The following USP46 variants were observed in gnomAD, a reference collection of about 807,000 sequenced individuals.
USP46 encodes the protein ubiquitin specific peptidase 46.
Under a neutral mutation model 44.4 loss-of-function variants are expected in USP46, and 12 were observed. That is an observed-to-expected ratio of 0.27 (90% CI 0.17 to 0.44). The LOEUF is 0.44. USP46 is among the 20% of genes least tolerant of loss of function. The probability of loss-of-function intolerance (pLI) is 1.00; values close to 1 mark genes in which losing one functional copy is unlikely to be tolerated. For missense variants in USP46, 248 were observed against 444.8 expected, an observed-to-expected ratio of 0.56 and a Z score of 3.98; for synonymous variants, 155 against 161.5, an observed-to-expected ratio of 0.96 and a Z score of 0.31.
At chr4:52,626,311 G>C in intron 3 of USP46, 64 bp from the exon 4 acceptor site, 5 of 1,328,936 alleles carry the variant, frequency 3.8e-6, no homozygotes, top group Non-Finnish European at 5.2e-6. Flanking sequence ...TGTAATTAGT[G>C]TTACATGCCA....
chr4:52,616,089 A>C (rs967993323), intron 4 of USP46, among the ~76,000 whole-genome samples: 2 of 152,202 alleles, frequency 1.3e-5, no homozygotes, highest in African/African-American at 2.4e-5. Flanking sequence ...CACACCCAAC[A>C]ACTGCCAAAT....
At chr4:52,624,201 C>T (rs902660727) in intron 4 of USP46, among the ~76,000 whole-genome samples, 1 of 152,058 alleles carries the variant, frequency 6.6e-6, no homozygotes, top group Non-Finnish European at 1.5e-5. Context: ...ACTGCCTCTA[C>T]TTTTGTATTC....
At chr4:52,613,676 C>T (rs1418168880) in intron 4 of USP46, among the ~76,000 whole-genome samples, 1 of 150,024 alleles carries the variant, frequency 6.7e-6, no homozygotes, top group Admixed American at 6.6e-5. Context: ...AAGCCGAGAT[C>T]TCGCCACTGC....
chr4:52,659,084 G>T lies in USP46; in HGVS notation c.36+31C>A. 1 of 1,550,376 alleles carries T rather than the reference G, an allele frequency of 6.5e-7. No homozygotes were observed. The highest frequency in any genetic ancestry group is 8.7e-7 in the Non-Finnish European group (1 of 1,150,392). ...CCTTTCTTTGCCTCGCCGCGAGTCG[G>T]GCGCGACCCCGAGGCGGCTCGGCCA... On this transcript the variant is annotated intron_variant, in intron 1 of 8. Transcript: ENST00000441222. The surrounding 1 kb of genome is among the most constrained non-coding windows in gnomAD (Gnocchi z 4.2).
intron 3 of USP46, among the ~76,000 whole-genome samples, chr4:52,627,021 T>TG (rs1347672580): frequency 2.6e-5 from 4 of 152,316 alleles, no homozygotes; most frequent in African/African-American, 9.6e-5. Context: ...TGAGGGTATG[T>TG]GTGAGCAAGC....
rs1317853291 is a variant in USP46, at chr4:52,593,244, G to C, written c.*4396C>G. 4 of 265,686 alleles carry C rather than the reference G, an allele frequency of 1.5e-5. No individual in the cohort carries two copies. Among genetic ancestry groups the C allele is most frequent in the Non-Finnish European group, 2.1e-5 (3 of 142,638 alleles). The allele number at this position is 265,686 out of a possible 1,614,324, so 16.5% of individuals were successfully genotyped here. A position where few individuals can be genotyped will look rare whatever the true frequency, so the allele number is the denominator to read the frequency against. ...AATTTGTGTCACCTTGGTAGTGACA[G>C]GCCTGTCCTATAAATCCCAGGACAA... is the stretch of plus-strand genomic sequence containing the variant. On this transcript the variant is annotated 3_prime_UTR_variant, in exon 9 of 9. Coordinates refer to ENST00000441222, the MANE Select transcript of USP46 (RefSeq NM_022832.4).
intron 4 of USP46, among the ~76,000 whole-genome samples, chr4:52,613,579 G>A (rs1717013906): frequency 6.6e-6 from 1 of 151,970 alleles, no homozygotes; most frequent in Non-Finnish European, 1.5e-5. Flanking sequence ...AAAATTAGCT[G>A]GGTGCGGTGG....
At chr4:52,609,952 G>GTTTT (rs1716874839) in intron 5 of USP46, among the ~76,000 whole-genome samples, 7 of 71,704 alleles carry the variant, frequency 9.8e-5, no homozygotes, top group Admixed American at 2.2e-4. Flanking sequence ...TTGAGGCGGA[G>GTTTT]TTTCGCTCTG....
At chr4:52,636,693 A>T (rs917155926) in intron 1 of USP46, among the ~76,000 whole-genome samples, 3 of 143,072 alleles carry the variant, frequency 2.1e-5, no homozygotes, top group Non-Finnish European at 4.6e-5. Context: ...GTGACAGAGT[A>T]AGACTCTGTC....
intron 1 of USP46, among the ~76,000 whole-genome samples, chr4:52,636,667 C>T (rs1718127995): frequency 1.5e-5 from 2 of 132,708 alleles, no homozygotes; most frequent in African/African-American, 5.8e-5. Flanking sequence ...GATGGTGCCA[C>T]TGCACTCCAG....
chr4:52,624,952 T>C (rs1324736907), intron 4 of USP46, among the ~76,000 whole-genome samples: 1 of 152,184 alleles, frequency 6.6e-6, no homozygotes, highest in Non-Finnish European at 1.5e-5. Flanking sequence ...TGAATTTCTG[T>C]TGTTTAAGCA....
intron 4 of USP46, 78 bp from the exon 5 acceptor site, chr4:52,610,695 C>A: frequency 7.4e-7 from 1 of 1,349,344 alleles, no homozygotes; most frequent in Non-Finnish European, 1.0e-6. Context: ...TAGGTAATCA[C>A]CGACTGCAAT....
At chr4:52,603,268 G>A (rs1716548351) in intron 6 of USP46, among the ~76,000 whole-genome samples, 1 of 152,196 alleles carries the variant, frequency 6.6e-6, no homozygotes, top group East Asian at 1.9e-4. Context: ...AGGTTATAAG[G>A]ATGGGGGACA....
chr4:52,648,740 T>A (rs886659964), intron 1 of USP46, among the ~76,000 whole-genome samples: 3 of 152,198 alleles, frequency 2.0e-5, no homozygotes, highest in Admixed American at 6.5e-5. Context: ...TACCCTCTGA[T>A]TCATGAGGCA....
chr4:52,615,284 G>A (rs954459383), intron 4 of USP46, among the ~76,000 whole-genome samples: 4 of 151,934 alleles, frequency 2.6e-5, no homozygotes, highest in Non-Finnish European at 4.4e-5. Flanking sequence ...TATGCCGTCC[G>A]CAAGAGCTAA....
chr4:52,644,829 G>A (rs1718483916), intron 1 of USP46, among the ~76,000 whole-genome samples: 1 of 151,840 alleles, frequency 6.6e-6, no homozygotes, highest in African/African-American at 2.4e-5. Context: ...AGGCCGAGGT[G>A]GGTGGATCAC....
At chr4:52,609,608 T>C (rs1716842204) in intron 5 of USP46, among the ~76,000 whole-genome samples, 2 of 152,118 alleles carry the variant, frequency 1.3e-5, no homozygotes, top group South Asian at 4.1e-4. Context: ...GCTGTGGAGG[T>C]GACATCTCAC....
chr4:52,646,122 C>T (rs1456316470), intron 1 of USP46, among the ~76,000 whole-genome samples: 3 of 152,174 alleles, frequency 2.0e-5, no homozygotes, highest in Admixed American at 1.3e-4. Context: ...TAGGCCTGCT[C>T]TGTAAATTTT....
chr4:52,618,121 C>T (rs1254232212), intron 4 of USP46, among the ~76,000 whole-genome samples: 3 of 152,026 alleles, frequency 2.0e-5, no homozygotes, highest in South Asian at 2.1e-4. Context: ...TAGTGGCTCA[C>T]GCCTATAATC....
Sources: gnomAD v4.1 joint callset for allele counts (sites outside exome capture counted in the v4.1 genomes callset) on GRCh38, gnomAD v4.1.1 for gene constraint, Gnocchi (gnomAD v3.1) non-coding constraint, MANE v1.5 for transcripts, NCBI Gene and HGNC (gene_info 2026-07-23, HGNC 2026-07-21) for gene names.